The following DYNLT3 variants were observed in gnomAD, a reference collection of about 807,000 sequenced individuals.
The protein encoded by DYNLT3 is protein 91/23.
In DYNLT3, 4 loss-of-function variants were observed where a neutral mutation model predicts 11.0. The ratio of observed to expected loss-of-function variants is 0.36; its 90% CI spans 0.18 to 0.83. The LOEUF is 0.83. DYNLT3 is among the 40% of genes least tolerant of loss of function. The probability of loss-of-function intolerance (pLI) is 0.47; values close to 1 mark genes in which losing one functional copy is unlikely to be tolerated. For missense variants in DYNLT3, 91 were observed against 91.1 expected (o/e 1.00, Z 0.01); for synonymous variants, 37 against 31.2 (o/e 1.18, Z -0.61).
intron 3 of DYNLT3, among the ~76,000 whole-genome samples, chrX:37,841,341 T>C (rs1427250749): frequency 8.9e-6 from 1 of 112,594 alleles, no homozygotes; most frequent in Non-Finnish European, 1.9e-5. Context: ...CTGACCATTG[T>C]CATTACCATT....
At chrX:37,845,313 C>G (rs1930246400) in intron 2 of DYNLT3, among the ~76,000 whole-genome samples, 1 of 112,321 alleles carries the variant, frequency 8.9e-6, no homozygotes, top group Non-Finnish European at 1.9e-5. Flanking sequence ...TGAGTTAATT[C>G]TAGCTGTGTA....
At position 37,840,357 on chromosome X, in the gene DYNLT3, A is replaced by G. The variant is rs1038831127; in HGVS notation, c.*218T>C. 8.0e-6 allele frequency: 2 copies of G among 248,731 alleles called. No homozygotes were observed. The highest frequency in any genetic ancestry group is 5.7e-5 in the African/African-American group (2 of 34,982). 20.5% of individuals were successfully genotyped at this position (248,731 alleles called of 1,213,427 possible). On this transcript the variant is annotated 3_prime_UTR_variant, in exon 5 of 5. Transcript: ENST00000378578. ...ATTTCTAAATTTATTTTTTGCTAGC[A>G]TTAAATTTTTCCTATTTAAACGATG...
intron 4 of DYNLT3, 71 bp from the exon 5 acceptor site, chrX:37,840,722 AT>A: frequency 1.8e-6 from 1 of 547,377 alleles, no homozygotes; most frequent in Non-Finnish European, 2.8e-6. Flanking sequence ...ATATATATAT[AT>A]ACACACACAC....
chrX:37,842,833 T>C (rs1930198542), intron 2 of DYNLT3, among the ~76,000 whole-genome samples: 1 of 112,296 alleles, frequency 8.9e-6, no homozygotes, highest in African/African-American at 3.2e-5. Context: ...TATTATCATA[T>C]TGCTGCTGTT....
intron 2 of DYNLT3, among the ~76,000 whole-genome samples, chrX:37,844,480 C>T (rs1229271931): frequency 8.9e-6 from 1 of 112,388 alleles, no homozygotes; most frequent in Non-Finnish European, 1.9e-5. Context: ...CATGTAACTC[C>T]TACTATGATA....
rs1221829330 is a variant in DYNLT3, at chrX:37,842,003, ATATACT to A, written c.73-104_73-99del. The stretch of plus-strand genomic sequence containing the variant: ...AGTAAAAATTTATTCAAAACATAAA[ATATACT>A]TATAGCTCAATAAGGCATCTTAGAA... On this transcript the variant is annotated intron_variant, in intron 2 of 4. Coordinates refer to ENST00000378578, the MANE Select transcript of DYNLT3 (RefSeq NM_006520.3). 4 of 806,250 alleles carry A rather than the reference ATATACT, an allele frequency of 5.0e-6. No individual in the cohort carries two copies. In the African/African-American group the frequency reaches 8.4e-5, roughly 17 times the overall value. 66.4% of individuals were successfully genotyped at this position (806,250 alleles called of 1,213,427 possible).
intron 2 of DYNLT3, 137 bp from the exon 3 acceptor site, chrX:37,842,042 A>G: frequency 1.2e-5 from 7 of 578,944 alleles, no homozygotes; most frequent in Non-Finnish European, 1.7e-5. Context: ...GAAAATATAC[A>G]CTTGGTAAAC....
intron 1 of DYNLT3, chrX:37,847,128 G>T: frequency 8.7e-7 from 1 of 1,154,644 alleles, no homozygotes; most frequent in Non-Finnish European, 1.2e-6. Context: ...GCCAAGGGAC[G>T]GAGGCAGCAG....
intron 4 of DYNLT3, among the ~76,000 whole-genome samples, 156 bp from the exon 5 acceptor site, chrX:37,840,807 TAC>T (rs776916521): frequency 0.058 from 3,441 of 59,804 alleles, 157 homozygotes; most frequent in African/African-American, 0.35. Flanking sequence ...TATATATATA[TAC>T]ACATACATTT....
rs780070188 is a variant in DYNLT3 at position 37,840,624 on chromosome X, C to T, written c.302G>A (p.Arg101Gln). 2.8e-5 allele frequency: 34 copies of T among 1,199,390 alleles called. No individual in the cohort carries two copies. The highest frequency in any genetic ancestry group is 3.6e-5 in the African/African-American group (2 of 55,888). ...AACGTTGACAATACAGTTCATGGTCCGGTTCTCCCATCTTACGGTACAGGT... is the reference window on the plus strand; with the variant it reads ...AACGTTGACAATACAGTTCATGGTCTGGTTCTCCCATCTTACGGTACAGGT... ...DGTCTVRWEN[R>Q]TMNCIVNVFA... The change falls in exon 5 of 5, where the codon CGG (arginine) becomes CAG (glutamine). Residue 101 changes from arginine to glutamine, a missense_variant. Physicochemically the swap from Arg to Gln is conservative, Grantham distance 43. Transcript: ENST00000378578.
At chrX:37,845,783 T>C (rs965462433) in intron 2 of DYNLT3, among the ~76,000 whole-genome samples, 5 of 112,766 alleles carry the variant, frequency 4.4e-5, no homozygotes, top group African/African-American at 1.6e-4. Context: ...AAGAAAATCC[T>C]TAAGCATCTC....
rs1464929479 is a variant in DYNLT3 at position 37,847,484 on chromosome X, G to C, written c.27C>G (p.Asp9Glu). ...CCAGGTAGCCAAGGGGCGGTACCTC[G>C]TCGCAGTGGCGATGGTACTCCTCCA... MEEYHRHCDEVGFNAEEAH... is the reference protein window; with the variant it reads MEEYHRHCEEVGFNAEEAH... Residue 9 changes from aspartate (D) to glutamate (E), a missense_variant, in exon 1 of 5, where the codon GAC becomes GAG. Physicochemically the swap from Asp to Glu is conservative, Grantham distance 45. Coordinates refer to ENST00000378578, the MANE Select transcript of DYNLT3 (RefSeq NM_006520.3). The C allele has an allele frequency of 1.0e-6, 1 of 1,000,010 alleles. No homozygotes were observed. The highest frequency in any genetic ancestry group is 1.3e-6 in the Non-Finnish European group (1 of 788,442). 82.4% of individuals were successfully genotyped at this position (1,000,010 alleles called of 1,213,427 possible).
rs5963345 is a variant in DYNLT3 at position 37,840,791 on chromosome X, T to C, written c.275-140A>G. ...ACACACACACACACACACACACACA[T>C]ATATATATATATATATACACATACA... On this transcript the variant is annotated intron_variant, in intron 4 of 4. Coordinates refer to ENST00000378578, the MANE Select transcript of DYNLT3 (RefSeq NM_006520.3). The C allele has an allele frequency of 0.027, 4,090 of 150,842 alleles. 32 individuals carry two copies. The highest frequency in any genetic ancestry group is 0.11 in the African/African-American group (1,056 of 9,721). 12.4% of individuals were successfully genotyped at this position (150,842 alleles called of 1,213,427 possible).
intron 2 of DYNLT3, among the ~76,000 whole-genome samples, chrX:37,846,031 TG>T (rs1930260656): frequency 9.0e-6 from 1 of 110,644 alleles, no homozygotes; most frequent in African/African-American, 3.3e-5. Flanking sequence ...ATTGGATGGG[TG>T]TGGTGGCGGG....
chrX:37,841,726 A>G, intron 3 of DYNLT3, 56 bp downstream of exon 3: 1 of 1,105,063 alleles, frequency 9.0e-7, no homozygotes, highest in African/African-American at 1.8e-5. Flanking sequence ...CAAAATTCAG[A>G]GAAAATCACA....
intron 2 of DYNLT3, among the ~76,000 whole-genome samples, chrX:37,844,301 C>T (rs891365971): frequency 1.0e-5 from 1 of 99,341 alleles, no homozygotes; most frequent in Non-Finnish European, 1.9e-5. Flanking sequence ...AACAGAAAAG[C>T]TTAGAATGAA....
chrX:37,840,706 G>C (rs988300233), intron 4 of DYNLT3, 55 bp from the exon 5 acceptor site: 12 of 779,460 alleles, frequency 1.5e-5, no homozygotes, highest in Non-Finnish European at 2.2e-5. Flanking sequence ...AATTATCAGA[G>C]AATATATATA....
intron 2 of DYNLT3, among the ~76,000 whole-genome samples, chrX:37,845,841 A>G (rs917520244): frequency 1.8e-5 from 2 of 112,629 alleles, no homozygotes; most frequent in African/African-American, 6.5e-5. Flanking sequence ...AAAATATAGA[A>G]GGACCCCTAT....
Position 37,841,238 on chromosome X carries a change from C to T in DYNLT3, c.197-133G>A, listed in dbSNP as rs892029473. Reference sequence around the variant, plus strand: ...AAACAAACAAACAAAAAACAGAAAACAAAGCGTTCAGCAAATAGATTGAAA... The same window carrying T: ...AAACAAACAAACAAAAAACAGAAAATAAAGCGTTCAGCAAATAGATTGAAA... On this transcript the variant is annotated intron_variant, in intron 3 of 4. Coordinates refer to ENST00000378578, the MANE Select transcript of DYNLT3 (RefSeq NM_006520.3). 65 of 454,586 alleles carry T rather than the reference C, an allele frequency of 1.4e-4. No homozygotes were observed. In the Admixed American group the frequency reaches 3.1e-3, roughly 22 times the overall value. 37.5% of individuals were successfully genotyped at this position (454,586 alleles called of 1,213,427 possible).
Sources: gnomAD v4.1 joint callset for allele counts (sites outside exome capture counted in the v4.1 genomes callset) on GRCh38, gnomAD v4.1.1 for gene constraint, MANE v1.5 for transcripts, NCBI Gene and HGNC (gene_info 2026-07-23, HGNC 2026-07-21) for gene names.